The following MTHFD1L variants were observed in gnomAD, a reference collection of about 807,000 sequenced individuals.
MTHFD1L encodes methylenetetrahydrofolate dehydrogenase (NADP+ dependent) 1 like, also known as monofunctional C1-tetrahydrofolate synthase, mitochondrial.
A neutral mutation model predicts 119.5 loss-of-function variants in MTHFD1L; 81 were observed. The ratio of observed to expected loss-of-function variants is 0.68; its 90% CI spans 0.57 to 0.82. The LOEUF (loss-of-function observed/expected upper bound fraction) is 0.82, where lower values mean the gene tolerates loss of function less well. MTHFD1L is among the 40% of genes least tolerant of loss of function. The pLI, the probability that MTHFD1L is intolerant of heterozygous loss-of-function variation, is 0.00. For synonymous variants in MTHFD1L, 430 were observed against 475.2 expected (o/e 0.90, Z 1.24); for missense variants, 1,125 against 1,253.4 (o/e 0.90, Z 1.55).
chr6:150,953,379 C>T (rs936892370), intron 16 of MTHFD1L, among the ~76,000 whole-genome samples: 1 of 152,190 alleles, frequency 6.6e-6, no homozygotes, highest in Non-Finnish European at 1.5e-5. Context: ...GCTGCCTCCA[C>T]CCCCACACCC....
chr6:151,096,390 C>A (rs1794899989), intron 27 of MTHFD1L, among the ~76,000 whole-genome samples: 1 of 152,072 alleles, frequency 6.6e-6, no homozygotes, highest in Admixed American at 6.6e-5. Flanking sequence ...CATCGTTTGA[C>A]CCTGCTTGAA....
chr6:150,968,180 G>T (rs760408065), intron 19 of MTHFD1L, among the ~76,000 whole-genome samples: 4 of 151,884 alleles, frequency 2.6e-5, no homozygotes, highest in Admixed American at 1.3e-4. Context: ...ACAGAATGCT[G>T]AGAGCTTCCT....
At chr6:150,980,022 G>A (rs759341936) in intron 20 of MTHFD1L, among the ~76,000 whole-genome samples, 1 of 151,448 alleles carries the variant, frequency 6.6e-6, no homozygotes, top group Non-Finnish European at 1.5e-5. Context: ...GCAGCTCTAA[G>A]CTGTAATTCT....
chr6:151,000,349 A>AG (rs1410049012), intron 20 of MTHFD1L, among the ~76,000 whole-genome samples: 2 of 151,982 alleles, frequency 1.3e-5, no homozygotes, highest in African/African-American at 4.8e-5. Context: ...AAAAAAAAAA[A>AG]AAAGAAAAAA....
At chr6:150,969,548 T>C (rs1330570404) in intron 19 of MTHFD1L, among the ~76,000 whole-genome samples, 1 of 149,422 alleles carries the variant, frequency 6.7e-6, no homozygotes, top group Non-Finnish European at 1.5e-5. Context: ...ACTGTTCATA[T>C]ACAGGACTGG....
intron 11 of MTHFD1L, among the ~76,000 whole-genome samples, chr6:150,927,539 C>T (rs975838472): frequency 1.4e-5 from 2 of 148,130 alleles, no homozygotes; most frequent in African/African-American, 5.0e-5. Context: ...TCACTGCAAA[C>T]TCTGCCTCCC....
At chr6:151,043,701 G>T (rs922188906) in intron 26 of MTHFD1L, among the ~76,000 whole-genome samples, 1 of 152,072 alleles carries the variant, frequency 6.6e-6, no homozygotes, top group Non-Finnish European at 1.5e-5. Context: ...CTTAGAATAC[G>T]CACCCTTTTG....
rs138997795 is a variant in MTHFD1L at position 151,024,305 on chromosome 6, C to T, written c.2586+8612C>T. ...CTGTAATCCTAGCACTTAGGGAGGCCAAGGTAGGAGGATCGCTAGAATCGA... is the reference window on the plus strand; with the variant it reads ...CTGTAATCCTAGCACTTAGGGAGGCTAAGGTAGGAGGATCGCTAGAATCGA... On this transcript the variant is annotated intron_variant, in intron 24 of 27. Transcript: ENST00000367321. Among the ~76,000 whole-genome samples the T allele has an allele frequency of 3.3e-3, 496 of 152,050 alleles. 2 individuals are homozygous for T. Among genetic ancestry groups the T allele is most frequent in the African/African-American group, 0.012 (478 of 41,448 alleles).
chr6:150,949,200 T>A, intron 16 of MTHFD1L, 67 bp downstream of exon 16: 1 of 1,284,254 alleles, frequency 7.8e-7, no homozygotes, highest in Non-Finnish European at 1.1e-6. Flanking sequence ...CCGAAGCGCT[T>A]AAATTCAGAA....
At chr6:150,923,458 C>T (rs896353410) in intron 10 of MTHFD1L, among the ~76,000 whole-genome samples, 1 of 151,582 alleles carries the variant, frequency 6.6e-6, no homozygotes, top group Non-Finnish European at 1.5e-5. Flanking sequence ...CATCCAGCAA[C>T]GTTGGAATGC....
At chr6:150,899,700 G>A (rs925896835) in intron 7 of MTHFD1L, among the ~76,000 whole-genome samples, 1 of 152,134 alleles carries the variant, frequency 6.6e-6, no homozygotes, top group Non-Finnish European at 1.5e-5. Context: ...TAGGCTGGGT[G>A]CAGTGGCTCA....
Position 150,953,180 on chromosome 6 carries a change from C to T in MTHFD1L, c.1727-2815C>T, listed in dbSNP as rs373855634. The stretch of plus-strand genomic sequence containing the variant: ...TCAGTACCGTGTCTTCCACTGGGGC[C>T]GAAACAGTGGACCTGCCCCTGATTG... On this transcript the variant is annotated intron_variant, in intron 16 of 27. Transcript: ENST00000367321. 3.9e-5 allele frequency among the ~76,000 whole-genome samples: 6 copies of T among 152,104 alleles called. No individual in the cohort carries two copies. The South Asian group carries it at 6.2e-4, about 16-fold the overall frequency.
chr6:151,079,594 A>G (rs918391157), intron 26 of MTHFD1L, among the ~76,000 whole-genome samples: 5 of 151,838 alleles, frequency 3.3e-5, no homozygotes, highest in Non-Finnish European at 4.4e-5. Flanking sequence ...GATTCAAGCA[A>G]TTCTCCTGCT....
At chr6:151,100,065 G>A (rs1313518395) in intron 27 of MTHFD1L, 17 of 575,860 alleles carry the variant, frequency 3.0e-5, no homozygotes, top group African/African-American at 6.2e-5. Flanking sequence ...ACGCAGTCTC[G>A]CTCTGTCACC....
chr6:151,024,964 G>T (rs1486522419), intron 24 of MTHFD1L, among the ~76,000 whole-genome samples: 1 of 152,162 alleles, frequency 6.6e-6, no homozygotes, highest in South Asian at 2.1e-4. Context: ...CCTCTTTTGG[G>T]TGAGATGAGA....
intron 19 of MTHFD1L, among the ~76,000 whole-genome samples, chr6:150,970,603 T>C (rs1334073709): frequency 6.6e-6 from 1 of 152,204 alleles, no homozygotes; most frequent in African/African-American, 2.4e-5. Flanking sequence ...TTATGAAATG[T>C]TTGAAAGGGC....
chr6:151,009,887 G>C lies in MTHFD1L; in HGVS notation c.2194G>C (p.Gly732Arg), dbSNP rs539434475. Residue 732 changes from glycine (G) to arginine (R), a missense_variant, in exon 21 of 28, where the codon GGC becomes CGC. Coordinates refer to ENST00000367321, the MANE Select transcript of MTHFD1L (RefSeq NM_015440.5). ...CTTCAACATCAAGTGCCGAGCTTCC[G>C]GCTTGGTGCCCAACGTGGTTGTGTT... ...KFFNIKCRASGLVPNVVVLVA... is the reference protein window; with the variant it reads ...KFFNIKCRASRLVPNVVVLVA... 32 of 1,613,638 alleles carry C rather than the reference G, an allele frequency of 2.0e-5. No homozygotes were observed. The highest frequency in any genetic ancestry group is 2.7e-5 in the Non-Finnish European group (32 of 1,179,874).
At chr6:150,866,658 G>A (rs1331785407) in intron 1 of MTHFD1L, 19 of 1,191,680 alleles carry the variant, frequency 1.6e-5, no homozygotes, top group Non-Finnish European at 2.0e-5. Context: ...CCCCGGGACA[G>A]CCGCCGGGGG....
At chr6:150,996,964 A>G (rs1430610242) in intron 20 of MTHFD1L, among the ~76,000 whole-genome samples, 1 of 152,118 alleles carries the variant, frequency 6.6e-6, no homozygotes. Flanking sequence ...CCCAGGGGCC[A>G]CTGAGAGGGT....
Sources: gnomAD v4.1 joint callset for allele counts (sites outside exome capture counted in the v4.1 genomes callset) on GRCh38, gnomAD v4.1.1 for gene constraint, MANE v1.5 for transcripts, NCBI Gene and HGNC (gene_info 2026-07-23, HGNC 2026-07-21) for gene names.